ABCC10: variants seen among roughly 807,000 people sequenced by gnomAD.
ABCC10 encodes the protein ATP binding cassette subfamily C member 10.
ABCC10 carries 110 observed loss-of-function variants against 143.2 expected under a neutral mutation model. That is an observed-to-expected ratio of 0.77 (90% CI 0.66 to 0.90). ABCC10 has a LOEUF of 0.90. ABCC10 is among the 40% of genes least tolerant of loss of function. ABCC10 has a pLI of 0.00. For missense variants in ABCC10, 1,700 were observed against 1,900.5 expected (o/e 0.89, Z 1.96); for synonymous variants, 805 against 846.7 (o/e 0.95, Z 0.85).
intron 21 of ABCC10, 135 bp from the exon 22 acceptor site, chr6:43,449,794 C>A: frequency 8.9e-7 from 1 of 1,124,706 alleles, no homozygotes; most frequent in Non-Finnish European, 1.3e-6. Context: ...GTCCCTTCCC[C>A]AGCACCAAGC....
Position 43,434,659 on chromosome 6 carries a change from G to C in ABCC10, c.1419G>C (p.Lys473Asn). 1.2e-6 allele frequency: 2 copies of C among 1,614,148 alleles called. No homozygotes were observed. The highest frequency in any genetic ancestry group is 1.7e-6 in the Non-Finnish European group (2 of 1,180,026). The stretch of plus-strand genomic sequence containing the variant: ...TGCTGAGTGGCATTCGGGTCATCAA[G>C]TTCTGCGGGTGGGAGCAGGCACTGG... Reference protein sequence around the residue: ...TELLSGIRVIKFCGWEQALGA... With the variant: ...TELLSGIRVINFCGWEQALGA... The change falls in exon 4 of 22, where the codon AAG becomes AAC. Residue 473 changes from lysine (K) to asparagine (N), a missense_variant. Lys to Asn is a moderately conservative substitution (Grantham distance 94). Coordinates refer to ENST00000372530, the MANE Select transcript of ABCC10 (RefSeq NM_001198934.2).
chr6:43,441,497 T>C (rs907547892), intron 8 of ABCC10, among the ~76,000 whole-genome samples: 1 of 150,944 alleles, frequency 6.6e-6, no homozygotes, highest in Non-Finnish European at 1.5e-5. Context: ...GGGTAGTAAA[T>C]GTAACAAAGT....
In ABCC10 at chr6:43,448,604, G is replaced by C. The variant is rs9357412; in HGVS notation, c.3960-277G>C. On this transcript the variant is annotated intron_variant, in intron 18 of 21. Transcript: ENST00000372530. ...CCACACAGTTTAGCCCATTTGTTTTGTCTGGTTTGTGTGTGTGCACCTCCG... is the reference window on the plus strand; with the variant it reads ...CCACACAGTTTAGCCCATTTGTTTTCTCTGGTTTGTGTGTGTGCACCTCCG... Among the ~76,000 whole-genome samples the C allele has an allele frequency of 0.35, 53,156 of 152,054 alleles. 10,624 individuals are homozygous for C. Among genetic ancestry groups the C allele is most frequent in the African/African-American group, 0.55 (22,778 of 41,466 alleles).
chr6:43,450,115 T>G lies in ABCC10; in HGVS notation c.*24T>G. 1 of 1,567,502 alleles carries G rather than the reference T, an allele frequency of 6.4e-7. No individual in the cohort carries two copies. Among genetic ancestry groups the G allele is most frequent in the Non-Finnish European group, 8.7e-7 (1 of 1,154,472 alleles). On this transcript the variant is annotated 3_prime_UTR_variant, in exon 22 of 22. Coordinates refer to ENST00000372530, the MANE Select transcript of ABCC10 (RefSeq NM_001198934.2). The surrounding 1 kb of genome is among the most constrained non-coding windows in gnomAD (Gnocchi z 4.5). ...GAGCCCAATCCCACACCCTGCAGAG[T>G]TCTCCCCTCTCTCTGATCCAGGCCG... is the stretch of plus-strand genomic sequence containing the variant.
In ABCC10 at chr6:43,433,052, G is replaced by A. The variant is rs563579420; in HGVS notation, c.1072G>A (p.Ala358Thr). Residue 358 changes from alanine (A) to threonine (T), a missense_variant, in exon 3 of 22, where the codon GCT becomes ACT. Physicochemically the swap from Ala to Thr is moderately conservative, Grantham distance 58. Transcript: ENST00000372530. Reference protein sequence around the residue: ...VYKVTLQARGAVLNILYCKAL... With the variant: ...VYKVTLQARGTVLNILYCKAL... ...TAAGGTAACACTTCAGGCACGGGGG[G>A]CTGTGCTGAACATCCTGTACTGCAA... 1.3e-5 allele frequency: 21 copies of A among 1,614,158 alleles called. No homozygotes were observed. The East Asian group carries it at 4.0e-4, about 31-fold the overall frequency.
chr6:43,431,962 A>T, intron 2 of ABCC10, 180 bp from the exon 3 acceptor site: 1 of 1,424,890 alleles, frequency 7.0e-7, no homozygotes, highest in Non-Finnish European at 9.2e-7. Flanking sequence ...AGTTAGGTTC[A>T]TCTGGGAAGA....
Position 43,438,814 on chromosome 6 carries a change from A to G in ABCC10, c.2127+19A>G. ...CCTCAGTGTGAGTGCCTGGCCTTGA[A>G]ACCTCTTAGCTGCCTGTTTCTCCAG... On this transcript the variant is annotated intron_variant, in intron 8 of 21. Transcript: ENST00000372530. 2 of 1,612,958 alleles carry G rather than the reference A, an allele frequency of 1.2e-6. No homozygotes were observed. Among genetic ancestry groups the G allele is most frequent in the Non-Finnish European group, 1.7e-6 (2 of 1,179,176 alleles).
chr6:43,445,454 T>C, intron 14 of ABCC10, 140 bp downstream of exon 14: 2 of 1,351,344 alleles, frequency 1.5e-6, no homozygotes, highest in African/African-American at 1.5e-5. Context: ...CAATCTCTCT[T>C]CTCTGCCCCC....
chr6:43,445,307 T>C lies in ABCC10; in HGVS notation c.3023T>C (p.Val1008Ala). 1.9e-6 allele frequency: 3 copies of C among 1,613,238 alleles called. No individual in the cohort carries two copies. The highest frequency in any genetic ancestry group is 2.5e-6 in the Non-Finnish European group (3 of 1,179,632). The change falls in exon 14 of 22, where the codon GTC becomes GCC. Residue 1008 changes from valine (V) to alanine (A), a missense_variant. Transcript: ENST00000372530. ...CTGCATCGCCGCCTGCTGCATCGAGTCCTTATGGTGAGGGGCTGGGACCTC... is the reference window on the plus strand; with the variant it reads ...CTGCATCGCCGCCTGCTGCATCGAGCCCTTATGGTGAGGGGCTGGGACCTC... ...ATLHRRLLHR[V>A]LMAPVTFFNA...
Position 43,446,287 on chromosome 6 carries a change from G to A in ABCC10, c.3385G>A (p.Glu1129Lys). The A allele has an allele frequency of 1.2e-6, 2 of 1,613,686 alleles. No individual in the cohort carries two copies. The highest frequency in any genetic ancestry group is 1.3e-5 in the African/African-American group (1 of 75,022). The change falls in exon 16 of 22, where the codon GAG (glutamate) becomes AAG (lysine). Residue 1129 changes from glutamate (E) to lysine (K), a missense_variant. Glu to Lys is a moderately conservative substitution (Grantham distance 56, BLOSUM62 1). Coordinates refer to ENST00000372530, the MANE Select transcript of ABCC10 (RefSeq NM_001198934.2). ...TCTGGCCTTCCCTAGGTTTGAGGAG[G>A]AGAACCTGCGACTCCTTGAGCTAAA... ...ATGATYRFEE[E>K]NLRLLELNQR... is the part of the protein sequence containing the mutation.
intron 3 of ABCC10, 49 bp downstream of exon 3, chr6:43,433,409 C>T (rs559645654): frequency 1.3e-6 from 2 of 1,529,310 alleles, no homozygotes; most frequent in Non-Finnish European, 1.8e-6. Flanking sequence ...CCCACCCAGC[C>T]CAGGTCCCCA....
At position 43,445,951 on chromosome 6, in the gene ABCC10, A is replaced by C; in HGVS notation, c.3374+9A>C. 1 of 1,606,584 alleles carries C rather than the reference A, an allele frequency of 6.2e-7. No individual in the cohort carries two copies. The highest frequency in any genetic ancestry group is 8.5e-7 in the Non-Finnish European group (1 of 1,174,784). On this transcript the variant is annotated intron_variant, in intron 15 of 21. Transcript: ENST00000372530. ...ACAGGGGCCACCTACAGGTGTGTGA[A>C]CCAGAGCCCAGGGGGATGAGGTGTT...
At chr6:43,431,705 G>A in intron 2 of ABCC10, 1 of 691,192 alleles carries the variant, frequency 1.4e-6, no homozygotes, top group Non-Finnish European at 1.8e-6. Flanking sequence ...ATATGTGCTT[G>A]TTTGTTATTA....
intron 3 of ABCC10, among the ~76,000 whole-genome samples, chr6:43,433,683 G>T (rs889931171): frequency 3.3e-5 from 5 of 152,168 alleles, no homozygotes; most frequent in African/African-American, 7.2e-5. Flanking sequence ...AATACATGTG[G>T]CCACCCTGGG....
rs1440158483 is a variant in ABCC10 at position 43,433,434 on chromosome 6, CA to C, written c.1380+75del. On this transcript the variant is annotated intron_variant, in intron 3 of 21. Coordinates refer to ENST00000372530, the MANE Select transcript of ABCC10 (RefSeq NM_001198934.2). Reference sequence around the variant, plus strand: ...CCAGGTCCCCAGGTCTTCCCATGCACACTACCTGAGGGAGTGAGAGTGACCT... The same window carrying C: ...CCAGGTCCCCAGGTCTTCCCATGCACCTACCTGAGGGAGTGAGAGTGACCT... 2.2e-5 allele frequency: 33 copies of C among 1,497,194 alleles called. 1 individual carries two copies. In the African/African-American group the frequency reaches 4.2e-4, roughly 19 times the overall value. 92.7% of individuals were successfully genotyped at this position (1,497,194 alleles called of 1,614,324 possible).
intron 2 of ABCC10, among the ~76,000 whole-genome samples, chr6:43,428,494 T>C (rs1156394582): frequency 1.3e-5 from 2 of 152,216 alleles, no homozygotes; most frequent in Non-Finnish European, 2.9e-5. Context: ...ACAACGTTTT[T>C]AGCCAAAAGC....
downstream of ABCC10, chr6:43,450,710 C>T: frequency 6.2e-7 from 1 of 1,614,094 alleles, no homozygotes; most frequent in South Asian, 1.1e-5. The surrounding 1 kb of genome is among the most constrained non-coding windows in gnomAD (Gnocchi z 4.5). Flanking sequence ...CCCTCAGGGT[C>T]AGCAACACAG....
chr6:43,433,034 A>T lies in ABCC10; in HGVS notation c.1054A>T (p.Thr352Ser). ...NQYGYEVYKV[T>S]LQARGAVLNI... ...GTATGGGTATGAGGTATATAAGGTA[A>T]CACTTCAGGCACGGGGGGCTGTGCT... The change falls in exon 3 of 22, where the codon ACA (threonine) becomes TCA (serine). Residue 352 changes from threonine to serine, a missense_variant. Thr to Ser is a moderately conservative substitution (Grantham distance 58). Coordinates refer to ENST00000372530, the MANE Select transcript of ABCC10 (RefSeq NM_001198934.2). The T allele has an allele frequency of 1.2e-6, 2 of 1,614,038 alleles. No individual in the cohort carries two copies. The highest frequency in any genetic ancestry group is 4.5e-5 in the East Asian group (2 of 44,868).
At chr6:43,442,870 G>A in intron 9 of ABCC10, 100 bp from the exon 10 acceptor site, 1 of 1,085,202 alleles carries the variant, frequency 9.2e-7, no homozygotes. Context: ...TGTAGGGGTA[G>A]CCCCCAGAGT....
Sources: allele counts gnomAD v4.1 joint callset (sites outside exome capture counted in the v4.1 genomes callset), GRCh38; gene constraint gnomAD v4.1.1; non-coding constraint Gnocchi (gnomAD v3.1); transcripts MANE v1.5; gene names NCBI Gene and HGNC (gene_info 2026-07-23, HGNC 2026-07-21).